Variants in GRID1 observed in about 807,000 individuals in gnomAD.
GRID1 encodes glutamate receptor ionotropic, delta-1.
Under a neutral mutation model 98.0 loss-of-function variants are expected in GRID1, and 28 were observed. The ratio of observed to expected loss-of-function variants is 0.29; its 90% CI spans 0.21 to 0.39. GRID1 has a LOEUF of 0.39. Ranked by LOEUF, GRID1 falls within the 10% of genes least tolerant of loss-of-function variation. The pLI, the probability that GRID1 is intolerant of heterozygous loss-of-function variation, is 1.00. For missense variants in GRID1, 1,111 were observed against 1,340.5 expected (o/e 0.83, Z 2.67); for synonymous variants, 553 against 538.5 (o/e 1.03, Z -0.37).
Position 85,599,555 on chromosome 10 carries a change from A to T in GRID1, c.*2718T>A, listed in dbSNP as rs1291636461. ...AGCATAGGGAGCAAAGACAAGATTT[A>T]TTATTAAACAACTTTAATCCAAATG... On this transcript the variant is annotated 3_prime_UTR_variant, in exon 16 of 16. Coordinates refer to ENST00000327946, the MANE Select transcript of GRID1 (RefSeq NM_017551.3). The T allele has an allele frequency of 6.6e-6, 1 of 152,502 alleles. No homozygotes were observed. The highest frequency in any genetic ancestry group is 1.5e-5 in the Non-Finnish European group (1 of 68,026). The allele number at this position is 152,502 out of a possible 1,614,324, so 9.4% of individuals were successfully genotyped here.
At chr10:85,717,343 G>A (rs1360730144) in intron 12 of GRID1, among the ~76,000 whole-genome samples, 1 of 152,118 alleles carries the variant, frequency 6.6e-6, no homozygotes, top group Non-Finnish European at 1.5e-5. Flanking sequence ...GGTTTAATTG[G>A]ACTTAAAGTT....
chr10:86,133,400 C>A (rs185040945), intron 4 of GRID1, among the ~76,000 whole-genome samples: 1 of 152,224 alleles, frequency 6.6e-6, no homozygotes. Context: ...CCACCACACA[C>A]GCTGATCTCT....
chr10:86,101,398 T>G (rs1844293894), intron 4 of GRID1, among the ~76,000 whole-genome samples: 1 of 152,212 alleles, frequency 6.6e-6, no homozygotes, highest in Non-Finnish European at 1.5e-5. Context: ...ACAGCTCCAT[T>G]GCCCACAGCA....
At chr10:85,773,634 T>C (rs1842297385) in intron 8 of GRID1, among the ~76,000 whole-genome samples, 2 of 152,308 alleles carry the variant, frequency 1.3e-5, no homozygotes, top group East Asian at 3.9e-4. Flanking sequence ...AGTCTCAGGA[T>C]ACAAAATCAA....
chr10:86,356,529 C>T (rs1422754834), intron 2 of GRID1, among the ~76,000 whole-genome samples: 1 of 152,142 alleles, frequency 6.6e-6, no homozygotes, highest in African/African-American at 2.4e-5. Context: ...CCAGGCTGAG[C>T]CCCCCAGAGC....
At chr10:86,333,944 A>G (rs1289904679) in intron 2 of GRID1, among the ~76,000 whole-genome samples, 1 of 152,172 alleles carries the variant, frequency 6.6e-6, no homozygotes, top group Non-Finnish European at 1.5e-5. Context: ...TTAAGGGTCA[A>G]CTGCATAGCT....
intron 7 of GRID1, among the ~76,000 whole-genome samples, 197 bp from the exon 8 acceptor site, chr10:85,854,812 C>A (rs1843093652): frequency 6.6e-6 from 1 of 152,196 alleles, no homozygotes; most frequent in Non-Finnish European, 1.5e-5. Flanking sequence ...AGGATATTTG[C>A]TTATGGGAGA....
chr10:85,749,929 T>A (rs559264837), intron 8 of GRID1, among the ~76,000 whole-genome samples: 1 of 152,364 alleles, frequency 6.6e-6, no homozygotes. Context: ...TTCATAACTA[T>A]ATAAAATGAT....
intron 8 of GRID1, among the ~76,000 whole-genome samples, chr10:85,760,161 A>G (rs1842133903): frequency 6.6e-6 from 1 of 152,232 alleles, no homozygotes; most frequent in Admixed American, 6.5e-5. Context: ...GGAAACTTGC[A>G]GTCAGACAGC....
intron 2 of GRID1, among the ~76,000 whole-genome samples, chr10:86,327,568 T>C (rs144732953): frequency 1.4e-4 from 21 of 152,342 alleles, no homozygotes; most frequent in Non-Finnish European, 2.5e-4. Context: ...TGGAGAAGAA[T>C]GCCATTGTTA....
At chr10:86,272,066 G>A (rs1278632166) in intron 2 of GRID1, among the ~76,000 whole-genome samples, 1 of 152,084 alleles carries the variant, frequency 6.6e-6, no homozygotes, top group Non-Finnish European at 1.5e-5. Flanking sequence ...ACAAGGATAA[G>A]GATGACAGTA....
At chr10:86,032,347 C>T (rs962477904) in intron 4 of GRID1, among the ~76,000 whole-genome samples, 20 of 152,136 alleles carry the variant, frequency 1.3e-4, no homozygotes, top group Admixed American at 1.1e-3. Flanking sequence ...TCATTGAGAA[C>T]GGGCCATGAT....
chr10:85,979,059 G>A (rs1842510206), intron 4 of GRID1, among the ~76,000 whole-genome samples: 1 of 152,042 alleles, frequency 6.6e-6, no homozygotes, highest in South Asian at 2.1e-4. Flanking sequence ...TGGGGTGGGG[G>A]GCTCTAAAAG....
intron 13 of GRID1, chr10:85,646,860 C>T (rs955251993): frequency 9.8e-6 from 3 of 306,694 alleles, no homozygotes; most frequent in African/African-American, 2.1e-5. Context: ...CTGCAACTCT[C>T]GCTTGGCACT....
At chr10:85,884,195 C>T (rs1310765542) in intron 5 of GRID1, among the ~76,000 whole-genome samples, 2 of 152,024 alleles carry the variant, frequency 1.3e-5, no homozygotes, top group African/African-American at 4.8e-5. Flanking sequence ...TTATATCTGG[C>T]TTTTTTGGTC....
At chr10:85,740,482 A>G (rs1017008908) in intron 8 of GRID1, among the ~76,000 whole-genome samples, 3 of 152,120 alleles carry the variant, frequency 2.0e-5, no homozygotes, top group Admixed American at 6.6e-5. Flanking sequence ...GAGTTCTTAC[A>G]TAGAAAAAAG....
At chr10:85,642,081 G>A (rs1409102021) in intron 13 of GRID1, among the ~76,000 whole-genome samples, 1 of 152,190 alleles carries the variant, frequency 6.6e-6, no homozygotes, top group Non-Finnish European at 1.5e-5. Flanking sequence ...TCCAGACCAG[G>A]AGTCCTCAAA....
At chr10:86,238,642 C>T (rs557443940) in intron 2 of GRID1, among the ~76,000 whole-genome samples, 148 of 146,534 alleles carry the variant, frequency 1.0e-3, no homozygotes, top group Admixed American at 2.6e-3. Flanking sequence ...TGCACTCCAG[C>T]CTGGTGACAG....
At chr10:86,030,042 A>C (rs1843164472) in intron 4 of GRID1, among the ~76,000 whole-genome samples, 1 of 152,228 alleles carries the variant, frequency 6.6e-6, no homozygotes, top group South Asian at 2.1e-4. Flanking sequence ...CCATTGCTGT[A>C]GAATTTTGCT....
Sources: gnomAD v4.1 joint callset for allele counts (sites outside exome capture counted in the v4.1 genomes callset) on GRCh38, gnomAD v4.1.1 for gene constraint, MANE v1.5 for transcripts, NCBI Gene and HGNC (gene_info 2026-07-23, HGNC 2026-07-21) for gene names.